Variants in MAP7 observed in about 807,000 individuals in gnomAD.
MAP7 encodes the protein ensconsin.
MAP7 carries 52 observed loss-of-function variants against 94.8 expected under a neutral mutation model. The ratio of observed to expected loss-of-function variants is 0.55; its 90% CI spans 0.44 to 0.69. The LOEUF (loss-of-function observed/expected upper bound fraction) is 0.69. Among genes scored for constraint, MAP7 ranks in the 30% least tolerant of loss-of-function variants. The pLI, the probability that MAP7 is intolerant of heterozygous loss-of-function variation, is 0.00. For synonymous variants in MAP7, 350 were observed against 357.0 expected, an observed-to-expected ratio of 0.98 and a Z score of 0.22; for missense variants, 940 against 964.6, an observed-to-expected ratio of 0.97 and a Z score of 0.34.
At chr6:136,495,475 C>T (rs1817918571) in intron 1 of MAP7, among the ~76,000 whole-genome samples, 1 of 152,018 alleles carries the variant, frequency 6.6e-6, no homozygotes, top group Non-Finnish European at 1.5e-5. Context: ...CACACACACA[C>T]ACACACACAT....
rs745914743 is a variant in MAP7, at chr6:136,470,741, C to T, written c.68-48942G>A. Among the ~76,000 whole-genome samples the T allele has an allele frequency of 3.5e-4, 53 of 151,304 alleles. No individual in the cohort carries two copies. In the Middle Eastern group the frequency reaches 0.014, roughly 39 times the overall value. Reference sequence around the variant, plus strand: ...GGGAGGAGTAAAAGGGGTGTGTGTGCGTTTTCGTGTGTGTGTGATAGTGAA... The same window carrying T: ...GGGAGGAGTAAAAGGGGTGTGTGTGTGTTTTCGTGTGTGTGTGATAGTGAA... On this transcript the variant is annotated intron_variant, in intron 1 of 17. Coordinates refer to ENST00000354570, the MANE Select transcript of MAP7 (RefSeq NM_003980.6).
intron 1 of MAP7, among the ~76,000 whole-genome samples, chr6:136,479,577 T>C (rs1313655915): frequency 6.6e-6 from 1 of 152,202 alleles, no homozygotes; most frequent in Non-Finnish European, 1.5e-5. Context: ...TATTCTTGTT[T>C]GCAGATGATA....
At chr6:136,456,701 G>A (rs865853218) in intron 1 of MAP7, among the ~76,000 whole-genome samples, 1 of 145,288 alleles carries the variant, frequency 6.9e-6, no homozygotes, top group African/African-American at 2.6e-5. Flanking sequence ...GAAGAAAGAA[G>A]AAGAAAGAAG....
At chr6:136,414,136 C>T (rs1276871810) in intron 2 of MAP7, among the ~76,000 whole-genome samples, 2 of 150,636 alleles carry the variant, frequency 1.3e-5, no homozygotes, top group African/African-American at 4.9e-5. Context: ...GCCTGTAGTC[C>T]CAGCTACTCG....
At chr6:136,445,012 C>T (rs1447918367) in intron 1 of MAP7, among the ~76,000 whole-genome samples, 2 of 152,166 alleles carry the variant, frequency 1.3e-5, no homozygotes, top group Admixed American at 6.5e-5. Context: ...TAGGTCTCTC[C>T]ATTTTCATAT....
intron 16 of MAP7, among the ~76,000 whole-genome samples, chr6:136,353,045 T>A (rs1000227407): frequency 6.6e-6 from 1 of 152,214 alleles, no homozygotes; most frequent in Non-Finnish European, 1.5e-5. Flanking sequence ...GGGACCAAAC[T>A]TAACATCACA....
chr6:136,513,941 A>C (rs1001060914), intron 1 of MAP7, among the ~76,000 whole-genome samples: 4 of 151,970 alleles, frequency 2.6e-5, no homozygotes, highest in Non-Finnish European at 5.9e-5. Context: ...CCACCACTGG[A>C]CTCTCTCACC....
chr6:136,364,013 T>A (rs1364296310), intron 10 of MAP7: 1 of 227,220 alleles, frequency 4.4e-6, no homozygotes. Flanking sequence ...CCTCAGCTGC[T>A]GCCAAGCTGC....
intron 3 of MAP7, among the ~76,000 whole-genome samples, chr6:136,398,110 G>C (rs1246488655): frequency 1.3e-5 from 2 of 152,054 alleles, no homozygotes; most frequent in African/African-American, 4.8e-5. Flanking sequence ...TATCAATCTA[G>C]ACTCCATGTA....
At chr6:136,454,272 G>GATCGATCT (rs1554258958) in intron 1 of MAP7, among the ~76,000 whole-genome samples, 66 of 141,472 alleles carry the variant, frequency 4.7e-4, no homozygotes, top group East Asian at 3.7e-3. Flanking sequence ...CTACCTAAAT[G>GATCGATCT]ATCTATCTAT....
intron 1 of MAP7, among the ~76,000 whole-genome samples, chr6:136,447,482 T>C (rs932447526): frequency 1.5e-5 from 1 of 64,742 alleles, no homozygotes; most frequent in Non-Finnish European, 4.9e-5. Context: ...TTTATGTTAC[T>C]GCATTATGCT....
chr6:136,394,970 A>ATATATATC (rs1582782641), intron 3 of MAP7, among the ~76,000 whole-genome samples: 1 of 131,236 alleles, frequency 7.6e-6, no homozygotes, highest in Admixed American at 7.6e-5. Context: ...ATATATATAT[A>ATATATATC]TCACATTTTC....
intron 8 of MAP7, among the ~76,000 whole-genome samples, chr6:136,370,569 T>C (rs1159030833): frequency 6.6e-6 from 1 of 152,202 alleles, no homozygotes; most frequent in East Asian, 1.9e-4. Flanking sequence ...TGGAATATAA[T>C]TCAGCCCTAA....
At chr6:136,544,437 T>G (rs540253422) in intron 1 of MAP7, among the ~76,000 whole-genome samples, 8 of 152,348 alleles carry the variant, frequency 5.3e-5, no homozygotes, top group African/African-American at 1.7e-4. Flanking sequence ...AGTGACTATT[T>G]GTAACCAAAC....
At chr6:136,407,524 T>C (rs1582820813) in intron 3 of MAP7, among the ~76,000 whole-genome samples, 1 of 152,230 alleles carries the variant, frequency 6.6e-6, no homozygotes, top group Non-Finnish European at 1.5e-5. Flanking sequence ...ACTAGGATAA[T>C]GGCAGAGGCA....
At chr6:136,359,061 A>C (rs1342499574) in intron 15 of MAP7, among the ~76,000 whole-genome samples, 1 of 152,144 alleles carries the variant, frequency 6.6e-6, no homozygotes, top group Non-Finnish European at 1.5e-5. Flanking sequence ...TATGTATGAA[A>C]GATGTACCTG....
intron 1 of MAP7, among the ~76,000 whole-genome samples, chr6:136,547,123 T>G (rs1829798823): frequency 6.6e-6 from 1 of 152,218 alleles, no homozygotes; most frequent in South Asian, 2.1e-4. Context: ...CCCTTAGAGT[T>G]AAGTGACACC....
At chr6:136,517,778 T>C (rs569103706) in intron 1 of MAP7, among the ~76,000 whole-genome samples, 94 of 152,288 alleles carry the variant, frequency 6.2e-4, no homozygotes, top group African/African-American at 2.1e-3. Flanking sequence ...CACTGACTAC[T>C]AGTGAACGTG....
At chr6:136,372,451 G>C in intron 8 of MAP7, 50 bp downstream of exon 8, 1 of 1,608,940 alleles carries the variant, frequency 6.2e-7, no homozygotes. Flanking sequence ...GTCTGCACAG[G>C]AACAGCACTG....
Sources: allele counts gnomAD v4.1 joint callset (sites outside exome capture counted in the v4.1 genomes callset), GRCh38; gene constraint gnomAD v4.1.1; transcripts MANE v1.5; gene names NCBI Gene and HGNC (gene_info 2026-07-23, HGNC 2026-07-21).